EZR: variants seen among roughly 807,000 people sequenced by gnomAD.
The protein encoded by EZR is cytovillin 2.
In EZR, 40 loss-of-function variants were observed where a neutral mutation model predicts 74.8. That is an observed-to-expected ratio of 0.53 (90% CI 0.42 to 0.70). The LOEUF is 0.70. EZR is among the 30% of genes least tolerant of loss of function. The pLI is 0.00. For synonymous variants in EZR, 341 were observed against 283.3 expected (o/e 1.20, Z -2.05); for missense variants, 678 against 755.8 (o/e 0.90, Z 1.21).
intron 2 of EZR, among the ~76,000 whole-genome samples, chr6:158,816,788 C>T (rs1948062): frequency 6.6e-6 from 1 of 152,054 alleles, no homozygotes; most frequent in Non-Finnish European, 1.5e-5. Flanking sequence ...TAAAATGTAA[C>T]AGAAGAAGCA....
In EZR at chr6:158,770,840, CTCTT is replaced by C; in HGVS notation, c.1010_1013del (p.Lys337SerfsTer3). 1 of 1,614,266 alleles carries C rather than the reference CTCTT, an allele frequency of 6.2e-7. No homozygotes were observed. The highest frequency in any genetic ancestry group is 8.5e-7 in the Non-Finnish European group (1 of 1,180,052). On this transcript the variant is annotated frameshift_variant, in exon 10 of 14. Coordinates refer to ENST00000367075, the MANE Select transcript of EZR (RefSeq NM_001111077.2). LOFTEE classifies it high-confidence loss of function. The stretch of plus-strand genomic sequence containing the variant: ...ACTCCTCCTTCTCGCGCATCATCTG[CTCTT>C]TCTCTCTCTCCACGGTTTCTCTCCT...
chr6:158,801,839 A>G (rs1419884677), intron 2 of EZR, among the ~76,000 whole-genome samples: 1 of 152,208 alleles, frequency 6.6e-6, no homozygotes, highest in Non-Finnish European at 1.5e-5. Flanking sequence ...GACGCACAAA[A>G]GTCACTGGCC....
intron 4 of EZR, 148 bp downstream of exon 4, chr6:158,786,960 G>A (rs1179058943): frequency 4.9e-6 from 3 of 614,918 alleles, no homozygotes; most frequent in Non-Finnish European, 8.7e-6. Context: ...CCATTTACTG[G>A]AAACCTGCAA....
At chr6:158,787,944 T>C (rs1261871977) in intron 3 of EZR, among the ~76,000 whole-genome samples, 2 of 152,232 alleles carry the variant, frequency 1.3e-5, no homozygotes, top group African/African-American at 4.8e-5. Flanking sequence ...CACGACTGTC[T>C]TGTAAACAGA....
chr6:158,780,192 A>AC (rs956556769), intron 7 of EZR, among the ~76,000 whole-genome samples: 4 of 151,718 alleles, frequency 2.6e-5, no homozygotes, highest in African/African-American at 9.7e-5. Context: ...CAAAAAAAAA[A>AC]AAAAAACCAA....
chr6:158,811,875 C>CAAAAAAAAAAAAA (rs58499377), intron 2 of EZR, among the ~76,000 whole-genome samples: 8 of 140,754 alleles, frequency 5.7e-5, no homozygotes, highest in African/African-American at 2.1e-4. Context: ...ACCCTGTTTC[C>CAAAAAAAAAAAAA]AAAAAAAAAA....
At chr6:158,793,491 G>C (rs1791795941) in intron 2 of EZR, among the ~76,000 whole-genome samples, 1 of 152,026 alleles carries the variant, frequency 6.6e-6, no homozygotes, top group Non-Finnish European at 1.5e-5. Flanking sequence ...AATCTAAACA[G>C]GTAAATGAAT....
intron 8 of EZR, among the ~76,000 whole-genome samples, chr6:158,775,881 T>C (rs1791263217): frequency 6.6e-6 from 1 of 152,226 alleles, no homozygotes; most frequent in Non-Finnish European, 1.5e-5. Context: ...CTTCTTACCA[T>C]GTCCTCCCAA....
chr6:158,784,504 C>A (rs1791514772), intron 6 of EZR, 140 bp downstream of exon 6: 3 of 681,180 alleles, frequency 4.4e-6, no homozygotes, highest in Non-Finnish European at 7.3e-6. Context: ...CCTAAGAAAA[C>A]CCCACTTTTA....
At chr6:158,783,176 C>T (rs578074922) in intron 7 of EZR, among the ~76,000 whole-genome samples, 40 of 152,000 alleles carry the variant, frequency 2.6e-4, no homozygotes, top group Non-Finnish European at 5.3e-4. Flanking sequence ...ACTGGCTGGG[C>T]TGCCTGCGAA....
chr6:158,805,836 C>T (rs1282124041), intron 2 of EZR, among the ~76,000 whole-genome samples: 1 of 152,194 alleles, frequency 6.6e-6, no homozygotes, highest in Non-Finnish European at 1.5e-5. Context: ...CACCCCAACC[C>T]CAACCCATGG....
chr6:158,781,209 T>C (rs1391907910), intron 7 of EZR, among the ~76,000 whole-genome samples: 4 of 152,174 alleles, frequency 2.6e-5, no homozygotes, highest in Non-Finnish European at 5.9e-5. Context: ...TGCTACCAAG[T>C]TGTCAATATT....
intron 12 of EZR, among the ~76,000 whole-genome samples, chr6:158,768,610 C>T (rs1314674681): frequency 6.6e-6 from 1 of 152,176 alleles, no homozygotes; most frequent in Non-Finnish European, 1.5e-5. Context: ...GAACCATCCC[C>T]AGAGCTTCTC....
At chr6:158,784,303 A>G (rs1791508283) in intron 6 of EZR, among the ~76,000 whole-genome samples, 1 of 152,250 alleles carries the variant, frequency 6.6e-6, no homozygotes, top group Non-Finnish European at 1.5e-5. Context: ...CCTTCATATA[A>G]TGAGCAAACC....
rs1275985880 is a variant in EZR, at chr6:158,770,760, T to G, written c.1090+4A>C. ...TGTAGAGTGCCAGCCCCAGGGCGCCTGACCTCTCTCTGCCTTCTTTGTCTT... is the reference window on the plus strand; with the variant it reads ...TGTAGAGTGCCAGCCCCAGGGCGCCGGACCTCTCTCTGCCTTCTTTGTCTT... On this transcript the variant is annotated splice_donor_region_variant and intron_variant, in intron 10 of 13. Transcript: ENST00000367075. 1.2e-6 allele frequency: 2 copies of G among 1,614,020 alleles called. No homozygotes were observed. The highest frequency in any genetic ancestry group is 2.7e-5 in the African/African-American group (2 of 74,920).
In EZR at chr6:158,785,382, C is replaced by T; in HGVS notation, c.394G>A (p.Ala132Thr). 1.2e-6 allele frequency: 2 copies of T among 1,614,204 alleles called. No homozygotes were observed. The highest frequency in any genetic ancestry group is 1.7e-6 in the Non-Finnish European group (2 of 1,180,028). Reference sequence around the variant, plus strand: ...TCTTTGTTGTAGTCCCCAAACTTGGCCTGCACAGCGTAGGACCCCAAGAGC... The same window carrying T: ...TCTTTGTTGTAGTCCCCAAACTTGGTCTGCACAGCGTAGGACCCCAAGAGC... ...AVLLGSYAVQ[A>T]KFGDYNKEVH... is the part of the protein sequence containing the mutation. The change falls in exon 5 of 14, where the codon GCC (alanine) becomes ACC (threonine). Residue 132 changes from alanine (A) to threonine (T), a missense_variant. By Grantham distance (58) the Ala-to-Thr change is moderately conservative. Coordinates refer to ENST00000367075, the MANE Select transcript of EZR (RefSeq NM_001111077.2).
intron 2 of EZR, among the ~76,000 whole-genome samples, chr6:158,798,622 C>CTTTT (rs147757313): frequency 1.6e-5 from 2 of 122,204 alleles, no homozygotes; most frequent in East Asian, 2.6e-4. Flanking sequence ...TGCTGCTCCG[C>CTTTT]TTTTTTTTTT....
intron 7 of EZR, among the ~76,000 whole-genome samples, chr6:158,782,871 GA>G (rs1200455956): frequency 6.6e-6 from 1 of 152,166 alleles, no homozygotes; most frequent in Non-Finnish European, 1.5e-5. Context: ...CATGAACTAG[GA>G]TGACTTTCCC....
intron 2 of EZR, among the ~76,000 whole-genome samples, chr6:158,808,437 C>T (rs1230840272): frequency 2.0e-5 from 3 of 152,306 alleles, no homozygotes; most frequent in East Asian, 3.9e-4. Flanking sequence ...CTGTGTTCAT[C>T]GTGGCAGCAA....
Sources: allele counts gnomAD v4.1 joint callset (sites outside exome capture counted in the v4.1 genomes callset), GRCh38; gene constraint gnomAD v4.1.1; transcripts MANE v1.5; gene names NCBI Gene and HGNC (gene_info 2026-07-23, HGNC 2026-07-21).